The following HEATR5B variants were observed in gnomAD, a reference collection of about 807,000 sequenced individuals.
HEATR5B encodes HEAT repeat-containing protein 5B.
Under a neutral mutation model 224.1 loss-of-function variants are expected in HEATR5B, and 156 were observed. The observed-to-expected ratio is 0.70, with a 90% CI of 0.61 to 0.80. HEATR5B has a LOEUF of 0.80. HEATR5B is among the 30% of genes least tolerant of loss of function. The pLI is 0.00. For synonymous variants in HEATR5B, 1,027 were observed against 893.0 expected, an observed-to-expected ratio of 1.15 and a Z score of -2.68; for missense variants, 2,323 against 2,535.5, an observed-to-expected ratio of 0.92 and a Z score of 1.80.
chr2:37,033,811 G>A (rs1373480622), intron 21 of HEATR5B, among the ~76,000 whole-genome samples: 1 of 152,148 alleles, frequency 6.6e-6, no homozygotes, highest in Non-Finnish European at 1.5e-5. Flanking sequence ...ACTCTTCACA[G>A]GAATATGGTG....
intron 4 of HEATR5B, chr2:37,076,147 TC>T (rs1672216525): frequency 5.2e-4 from 2 of 3,818 alleles, no homozygotes; most frequent in African/African-American, 6.7e-4. Flanking sequence ...AGTATACTCA[TC>T]ACAGTGTATC....
At chr2:37,062,557 A>G (rs1671350935) in intron 10 of HEATR5B, among the ~76,000 whole-genome samples, 1 of 152,230 alleles carries the variant, frequency 6.6e-6, no homozygotes, top group South Asian at 2.1e-4. Context: ...AGTTAAGGAC[A>G]AGCTCTAGGG....
rs886645080 is a variant in HEATR5B, at chr2:37,078,045, G to A, written c.339-1026C>T. 5.9e-5 allele frequency among the ~76,000 whole-genome samples: 9 copies of A among 152,312 alleles called. No individual in the cohort carries two copies. The East Asian group carries it at 1.2e-3, about 20-fold the overall frequency. ...AAAGTAGGACATGGTGGTTAAGAGC[G>A]GATGCTTTGGAGTCTAGCAGACCTG... is the stretch of plus-strand genomic sequence containing the variant. On this transcript the variant is annotated intron_variant, in intron 3 of 35. Coordinates refer to ENST00000233099, the MANE Select transcript of HEATR5B (RefSeq NM_019024.3).
In HEATR5B at chr2:37,060,736, A is replaced by C. The variant is rs746541585; in HGVS notation, c.1697-3T>G. The C allele has an allele frequency of 9.3e-6, 15 of 1,610,504 alleles. No homozygotes were observed. Among genetic ancestry groups the C allele is most frequent in the Non-Finnish European group, 1.3e-5 (15 of 1,177,934 alleles). On this transcript the variant is annotated splice_polypyrimidine_tract_variant and splice_region_variant and intron_variant, in intron 11 of 35. Coordinates refer to ENST00000233099, the MANE Select transcript of HEATR5B (RefSeq NM_019024.3). ...ATGGTAACGAACGACAGATGGTCCT[A>C]GCCAAGAAAATGAGAATACAAAACC... is the stretch of plus-strand genomic sequence containing the variant.
At chr2:37,072,510 T>C (rs1671967100) in intron 5 of HEATR5B, among the ~76,000 whole-genome samples, 1 of 152,018 alleles carries the variant, frequency 6.6e-6, no homozygotes, top group Non-Finnish European at 1.5e-5. Flanking sequence ...GAGTTTCTAG[T>C]TAGGGAGAAA....
chr2:37,003,543 T>TA lies in HEATR5B; in HGVS notation c.5048dup (p.Asn1684LysfsTer2). On this transcript the variant is annotated frameshift_variant and splice_region_variant, in exon 31 of 36. Transcript: ENST00000233099. LOFTEE classifies it high-confidence loss of function. Reference sequence around the variant, plus strand: ...GTTAGTGTAATTTCTAGTGCTTACTTAGAGTGTTTCTTTTCTCTTGCAAAT... The same window carrying TA: ...GTTAGTGTAATTTCTAGTGCTTACTTAAGAGTGTTTCTTTTCTCTTGCAAAT... 2 of 1,598,082 alleles carry TA rather than the reference T, an allele frequency of 1.3e-6. No homozygotes were observed. The highest frequency in any genetic ancestry group is 1.7e-6 in the Non-Finnish European group (2 of 1,171,102).
At chr2:37,077,226 T>C (rs17445820) in intron 3 of HEATR5B, among the ~76,000 whole-genome samples, 39,498 of 152,190 alleles carry the variant, frequency 0.26, 6,071 homozygotes, top group Middle Eastern at 0.36. Context: ...TATAGTTAAA[T>C]TGTATTCTTG....
Position 37,018,635 on chromosome 2 carries a change from C to T in HEATR5B, c.4104+1174G>A, listed in dbSNP as rs114276524. ...AGTCAGAATTTTAAACCTATTATTGCAGAATCTTCTCTGCATAGAGGTCAC... is the reference window on the plus strand; with the variant it reads ...AGTCAGAATTTTAAACCTATTATTGTAGAATCTTCTCTGCATAGAGGTCAC... On this transcript the variant is annotated intron_variant, in intron 26 of 35. Coordinates refer to ENST00000233099, the MANE Select transcript of HEATR5B (RefSeq NM_019024.3). Among the ~76,000 whole-genome samples the T allele has an allele frequency of 2.2e-3, 336 of 152,248 alleles. 1 individual carries two copies. The highest frequency in any genetic ancestry group is 3.5e-3 in the Non-Finnish European group (241 of 68,020).
intron 21 of HEATR5B, among the ~76,000 whole-genome samples, chr2:37,033,100 C>T (rs879827638): frequency 6.6e-6 from 1 of 151,840 alleles, no homozygotes; most frequent in Non-Finnish European, 1.5e-5. Flanking sequence ...AGGCTGGTTT[C>T]GAACTCCTGA....
chr2:36,995,448 G>A (rs1666633886), intron 33 of HEATR5B, among the ~76,000 whole-genome samples: 1 of 152,004 alleles, frequency 6.6e-6, no homozygotes, highest in Admixed American at 6.6e-5. Context: ...TCTTCAGTTT[G>A]TTAAAATCTA....
intron 28 of HEATR5B, 71 bp from the exon 29 acceptor site, chr2:37,007,375 G>C: frequency 1.4e-6 from 2 of 1,401,630 alleles, no homozygotes; most frequent in South Asian, 1.5e-5. Flanking sequence ...ACCAAGTCTC[G>C]TTCTGTCGCC....
intron 1 of HEATR5B, among the ~76,000 whole-genome samples, chr2:37,083,734 C>T (rs1558392171): frequency 6.6e-6 from 1 of 152,184 alleles, no homozygotes; most frequent in African/African-American, 2.4e-5. Context: ...ATGTCATTTA[C>T]CCGTTCTATA....
At chr2:37,036,040 C>G (rs898593262) in intron 21 of HEATR5B, among the ~76,000 whole-genome samples, 1 of 152,176 alleles carries the variant, frequency 6.6e-6, no homozygotes, top group African/African-American at 2.4e-5. Flanking sequence ...AAATATTATT[C>G]AAATCCATTG....
intron 35 of HEATR5B, among the ~76,000 whole-genome samples, chr2:36,984,441 C>A (rs1464044012): frequency 6.6e-6 from 1 of 151,358 alleles, no homozygotes; most frequent in East Asian, 1.9e-4. Context: ...CCAAGAGAAT[C>A]ACAAAACTGA....
chr2:37,034,205 A>G (rs1669323254), intron 21 of HEATR5B, among the ~76,000 whole-genome samples: 1 of 150,664 alleles, frequency 6.6e-6, no homozygotes, highest in African/African-American at 2.4e-5. Context: ...ATGGGGTTTC[A>G]CCGTGTTAGT....
chr2:36,982,122 CG>C (rs1665621948), intron 35 of HEATR5B, among the ~76,000 whole-genome samples: 1 of 151,752 alleles, frequency 6.6e-6, no homozygotes, highest in Non-Finnish European at 1.5e-5. Flanking sequence ...AAAATTTTTA[CG>C]GGCATTCTAG....
intron 4 of HEATR5B, chr2:37,076,199 A>G (rs1350177391): frequency 6.6e-6 from 1 of 152,288 alleles, no homozygotes; most frequent in Non-Finnish European, 1.5e-5. Flanking sequence ...ACTAAACTGT[A>G]AGTTCTTTGA....
chr2:37,000,587 T>C lies in HEATR5B; in HGVS notation c.5544A>G (p.Pro1848=), dbSNP rs1170066066. The C allele has an allele frequency of 6.2e-7, 1 of 1,613,326 alleles. No homozygotes were observed. The highest frequency in any genetic ancestry group is 8.5e-7 in the Non-Finnish European group (1 of 1,179,214). Reference sequence around the variant, plus strand: ...AAACGTTTAAAACTGATAGGTTACCTGGTTGAGAATATTCCAGGATGCAAG... The same window carrying C: ...AAACGTTTAAAACTGATAGGTTACCCGGTTGAGAATATTCCAGGATGCAAG... ...TLACILEYSQ[P]EDSVPTPDEV... The change falls in exon 33 of 36, where the codon CCA becomes CCG. Residue 1848 remains proline (P), a splice_region_variant and synonymous_variant. Coordinates refer to ENST00000233099, the MANE Select transcript of HEATR5B (RefSeq NM_019024.3).
chr2:37,037,572 G>T (rs1283699237), intron 21 of HEATR5B, among the ~76,000 whole-genome samples: 3 of 152,036 alleles, frequency 2.0e-5, no homozygotes, highest in Non-Finnish European at 1.5e-5. Context: ...ACAAACAAAA[G>T]ATCTAGTATT....
Sources: gnomAD v4.1 joint callset for allele counts (sites outside exome capture counted in the v4.1 genomes callset) on GRCh38, gnomAD v4.1.1 for gene constraint, MANE v1.5 for transcripts, NCBI Gene and HGNC (gene_info 2026-07-23, HGNC 2026-07-21) for gene names.